Variants in PAICS observed in about 807,000 individuals in gnomAD.
PAICS encodes phosphoribosylaminoimidazole carboxylase and phosphoribosylaminoimidazolesuccinocarboxamide synthase.
Under a neutral mutation model 53.7 loss-of-function variants are expected in PAICS, and 33 were observed. The ratio of observed to expected loss-of-function variants is 0.61; its 90% CI spans 0.47 to 0.82. The LOEUF is 0.82. PAICS is among the 40% of genes least tolerant of loss of function. The probability of loss-of-function intolerance (pLI) is 0.00; values close to 1 mark genes in which losing one functional copy is unlikely to be tolerated. For missense variants in PAICS, 394 were observed against 494.1 expected (o/e 0.80, Z 1.92); for synonymous variants, 141 against 167.2 (o/e 0.84, Z 1.21).
At chr4:56,410,684 A>AGT in the PAICS span, 33 of 986,526 alleles carry the variant, frequency 3.3e-5, no homozygotes, top group Non-Finnish European at 3.9e-5. Flanking sequence ...CAGAGACTGG[A>AGT]AACAGTGCTG....
At chr4:56,435,839 G>C (rs534547488), upstream of PAICS, 2 of 1,497,862 alleles carry the variant, frequency 1.3e-6, no homozygotes, top group Non-Finnish European at 1.8e-6. Context: ...TAGCGTAATG[G>C]GAGTAACGGA....
Position 56,461,785 on chromosome 4 carries a change from C to T in PAICS, c.*2247C>T, listed in dbSNP as rs1012992109. The T allele has an allele frequency of 7.9e-5, 12 of 152,150 alleles. No homozygotes were observed. Among genetic ancestry groups the T allele is most frequent in the African/African-American group, 2.9e-4 (12 of 41,428 alleles). 9.4% of individuals were successfully genotyped at this position (152,150 alleles called of 1,614,324 possible). On this transcript the variant is annotated 3_prime_UTR_variant, in exon 9 of 9. Coordinates refer to ENST00000512576, the MANE Select transcript of PAICS (RefSeq NM_001079524.2). ...TTTTGTAAAAGTAACTTAAGCCTAC[C>T]TGGTCTGCTATCTTTTGAGTATTTA... is the stretch of plus-strand genomic sequence containing the variant.
chr4:56,427,302 A>G, the PAICS span, among the ~76,000 whole-genome samples: 1 of 152,114 alleles, frequency 6.6e-6, no homozygotes. Flanking sequence ...GACCTGCAGT[A>G]CTGTTTTTCC....
rs576299664 is a variant in PAICS, at chr4:56,450,113, T to C, written c.688-506T>C. Among the ~76,000 whole-genome samples, 11 of 151,250 alleles carry C rather than the reference T, an allele frequency of 7.3e-5. No individual in the cohort carries two copies. The South Asian group carries it at 2.1e-3, about 29-fold the overall frequency. The stretch of plus-strand genomic sequence containing the variant: ...ACATGTTCTCACTCATAAGTGGGAG[T>C]TGAACACTGAAAACACATGGACACA... On this transcript the variant is annotated intron_variant, in intron 5 of 8. Coordinates refer to ENST00000512576, the MANE Select transcript of PAICS (RefSeq NM_001079524.2).
At chr4:56,445,323 C>T (rs542810329) in intron 2 of PAICS, among the ~76,000 whole-genome samples, 7 of 152,066 alleles carry the variant, frequency 4.6e-5, no homozygotes, top group Non-Finnish European at 7.4e-5. Context: ...CAAGGCCAGG[C>T]GCGGTGGCTC....
In PAICS at chr4:56,451,962, T is replaced by C; in HGVS notation, c.862T>C (p.Cys288Arg). The C allele has an allele frequency of 6.2e-7, 1 of 1,606,330 alleles. No individual in the cohort carries two copies. ...LGHCEKIKKA[C>R]GNFGIPCELR... ...TCACTGTGAAAAAATCAAGAAGGCC[T>C]GTGGAAATTTTGGCATTCCATGTGA... The change falls in exon 7 of 9, where the codon TGT becomes CGT. Residue 288 changes from cysteine to arginine, a missense_variant. Cys to Arg is a radical substitution (Grantham distance 180, BLOSUM62 -3). This residue lies in a region of PAICS where 131 missense variants were observed against 205.5 expected (regional missense o/e 0.64). Transcript: ENST00000512576.
upstream of PAICS, chr4:56,435,213 C>A: frequency 7.7e-7 from 1 of 1,301,842 alleles, no homozygotes; most frequent in Non-Finnish European, 1.1e-6. Context: ...ACCCGGTCGA[C>A]GCCACAGGCA....
chr4:56,438,775 AT>A (rs1431618789), intron 1 of PAICS, among the ~76,000 whole-genome samples: 1 of 152,150 alleles, frequency 6.6e-6, no homozygotes, highest in African/African-American at 2.4e-5. Flanking sequence ...ACATTTCAAC[AT>A]GGAGTCAAGA....
intron 1 of PAICS, among the ~76,000 whole-genome samples, chr4:56,439,808 A>G (rs1018365182): frequency 1.3e-5 from 2 of 151,910 alleles, no homozygotes; most frequent in Non-Finnish European, 2.9e-5. Context: ...TTTTTTTGGT[A>G]GAGATGGGAT....
upstream of PAICS, among the ~76,000 whole-genome samples, chr4:56,433,933 G>A (rs979389148): frequency 5.9e-5 from 9 of 152,050 alleles, no homozygotes; most frequent in East Asian, 1.9e-4. Flanking sequence ...CTCGTGATCC[G>A]CCCGCCTCGG....
chr4:56,431,383 T>A (rs1411771752), upstream of PAICS: 1 of 942,196 alleles, frequency 1.1e-6, no homozygotes, highest in East Asian at 1.2e-4. Flanking sequence ...TTCTCACAAG[T>A]GCCTTTCCAG....
At position 56,461,321 on chromosome 4, in the gene PAICS, T is replaced by C. The variant is rs932781893; in HGVS notation, c.*1783T>C. 6.6e-6 allele frequency: 1 copy of C among 152,244 alleles called. No individual in the cohort carries two copies. Among genetic ancestry groups the C allele is most frequent in the African/African-American group, 2.4e-5 (1 of 41,472 alleles). The allele number at this position is 152,244 out of a possible 1,614,324, so 9.4% of individuals were successfully genotyped here. On this transcript the variant is annotated 3_prime_UTR_variant, in exon 9 of 9. Transcript: ENST00000512576. ...GTGTACTACTTAAGTTTATATCTTA[T>C]GCTAGTTTATAAGAACAATTAAAAG...
upstream of PAICS, chr4:56,436,124 G>C: frequency 6.8e-7 from 1 of 1,476,390 alleles, no homozygotes; most frequent in Non-Finnish European, 9.0e-7. Context: ...TGTTTCGTCC[G>C]ATATCCGCGT....
rs1197056545 is a variant in PAICS at position 56,450,615 on chromosome 4, C to G, written c.688-4C>G. On this transcript the variant is annotated splice_polypyrimidine_tract_variant and splice_region_variant and intron_variant, in intron 5 of 8. Transcript: ENST00000512576. ...TTTTCTAAACTTTCTATCTTATTTT[C>G]TAGTCTTATCGGGACCTCAAAGAAG... 12 of 1,445,162 alleles carry G rather than the reference C, an allele frequency of 8.3e-6. No individual in the cohort carries two copies. The East Asian group carries it at 1.2e-4, about 15-fold the overall frequency. The allele number at this position is 1,445,162 out of a possible 1,614,324, so 89.5% of individuals were successfully genotyped here.
At chr4:56,436,385 C>T in intron 1 of PAICS, 57 bp downstream of exon 1, 2 of 1,341,256 alleles carry the variant, frequency 1.5e-6, no homozygotes, top group Non-Finnish European at 2.1e-6. Context: ...GCCGTGAGCT[C>T]GCGGCCACGT....
rs1360565303 is a variant in PAICS, at chr4:56,464,470, C to T, written c.*4932C>T. The T allele has an allele frequency of 1.3e-5, 2 of 152,220 alleles. No individual in the cohort carries two copies. The highest frequency in any genetic ancestry group is 4.8e-5 in the African/African-American group (2 of 41,458). The allele number at this position is 152,220 out of a possible 1,614,324, so 9.4% of individuals were successfully genotyped here. A position where few individuals can be genotyped will look rare whatever the true frequency, so the allele number is the denominator to read the frequency against. On this transcript the variant is annotated 3_prime_UTR_variant, in exon 9 of 9. Transcript: ENST00000512576. ...TAATTCTCCACAGTCTATACTCAAT[C>T]TCTCTTACCTTTCCATAATTTTCTT...
At chr4:56,442,024 A>C in intron 2 of PAICS, 164 bp downstream of exon 2, 2 of 541,564 alleles carry the variant, frequency 3.7e-6, no homozygotes, top group Non-Finnish European at 6.6e-6. Flanking sequence ...ATAACACCTT[A>C]TTTGGTTTGG....
intron 5 of PAICS, among the ~76,000 whole-genome samples, chr4:56,450,384 T>G (rs1357657918): frequency 1.3e-5 from 2 of 152,188 alleles, no homozygotes; most frequent in East Asian, 3.8e-4. Flanking sequence ...TATATAAAAA[T>G]TCTCAAGGCA....
chr4:56,443,964 C>T (rs1173547755), intron 2 of PAICS, among the ~76,000 whole-genome samples: 1 of 152,124 alleles, frequency 6.6e-6, no homozygotes, highest in Non-Finnish European at 1.5e-5. Context: ...TACTATGAAA[C>T]TAAGTAAACC....
Sources: gnomAD v4.1 joint callset for allele counts (sites outside exome capture counted in the v4.1 genomes callset) on GRCh38, gnomAD v4.1.1 for gene constraint, gnomAD v4.1.1 regional missense constraint, MANE v1.5 for transcripts, NCBI Gene and HGNC (gene_info 2026-07-23, HGNC 2026-07-21) for gene names.